SMC4: variants seen among roughly 807,000 people sequenced by gnomAD.
SMC4 encodes structural maintenance of chromosomes 4, also known as structural maintenance of chromosomes protein 4.
SMC4 carries 87 observed loss-of-function variants against 145.6 expected under a neutral mutation model. The ratio of observed to expected loss-of-function variants is 0.60; its 90% CI spans 0.50 to 0.71. The LOEUF (loss-of-function observed/expected upper bound fraction) is 0.71, where lower values mean the gene tolerates loss of function less well. SMC4 is among the 30% of genes least tolerant of loss of function. The pLI, the probability that SMC4 is intolerant of heterozygous loss-of-function variation, is 0.00. For synonymous variants in SMC4, 558 were observed against 500.7 expected, an observed-to-expected ratio of 1.11 and a Z score of -1.53; for missense variants, 1,447 against 1,537.1, an observed-to-expected ratio of 0.94 and a Z score of 0.98.
chr3:160,430,646 T>C lies in SMC4; in HGVS notation c.2843T>C (p.Ile948Thr), dbSNP rs142168074. 12 of 1,613,310 alleles carry C rather than the reference T, an allele frequency of 7.4e-6. No homozygotes were observed. Among genetic ancestry groups the C allele is most frequent in the Non-Finnish European group, 8.5e-7 (1 of 1,179,734 alleles). The change falls in exon 19 of 24, where the codon ATA becomes ACA. Residue 948 changes from isoleucine to threonine, a missense_variant. Coordinates refer to ENST00000357388, the MANE Select transcript of SMC4 (RefSeq NM_001002800.3). ...TCTGTCTTGCGTACAGAGAAAGAAA[T>C]AAAAGATACTGAGAAAGAGGTGGAT... ...QDSVLRTEKE[I>T]KDTEKEVDDL... is the part of the protein sequence containing the mutation.
intron 11 of SMC4, 25 bp downstream of exon 11, chr3:160,417,981 T>A (rs1187015917): frequency 6.4e-7 from 1 of 1,561,716 alleles, no homozygotes; most frequent in South Asian, 1.1e-5. Context: ...CTCTGTTGCA[T>A]CAGAACATCA....
At chr3:160,405,373 G>A (rs1056111706) in intron 5 of SMC4, among the ~76,000 whole-genome samples, 8 of 150,932 alleles carry the variant, frequency 5.3e-5, no homozygotes, top group South Asian at 2.1e-4. Flanking sequence ...TGTTTGATTC[G>A]AGGGTATCTT....
At chr3:160,421,142 G>T (rs1226937666) in intron 13 of SMC4, among the ~76,000 whole-genome samples, 1 of 151,778 alleles carries the variant, frequency 6.6e-6, no homozygotes, top group Non-Finnish European at 1.5e-5. Flanking sequence ...TGTTAGCCAG[G>T]ATGGTCTGGA....
In SMC4 at chr3:160,419,401, T is replaced by G; in HGVS notation, c.1715T>G (p.Phe572Cys). The G allele has an allele frequency of 6.2e-7, 1 of 1,604,752 alleles. No individual in the cohort carries two copies. Among genetic ancestry groups the G allele is most frequent in the Non-Finnish European group, 8.5e-7 (1 of 1,177,834 alleles). ...LQKLTQEETN[F>C]KSLVHDLFQK... Reference sequence around the variant, plus strand: ...AAACTTACACAAGAAGAAACAAACTTTAAAAGTTTGGTTCATGATCTCTTT... The same window carrying G: ...AAACTTACACAAGAAGAAACAAACTGTAAAAGTTTGGTTCATGATCTCTTT... The change falls in exon 12 of 24, where the codon TTT becomes TGT. Residue 572 changes from phenylalanine (F) to cysteine (C), a missense_variant. Phe to Cys is a radical substitution (Grantham distance 205, BLOSUM62 -2). Coordinates refer to ENST00000357388, the MANE Select transcript of SMC4 (RefSeq NM_001002800.3).
chr3:160,419,808 T>A (rs1355801379), intron 12 of SMC4, among the ~76,000 whole-genome samples: 1 of 152,112 alleles, frequency 6.6e-6, no homozygotes, highest in Admixed American at 6.5e-5. Flanking sequence ...TCCTTTTTTT[T>A]AAAAGAGAGA....
At chr3:160,417,322 T>C (rs1716690834) in intron 10 of SMC4, among the ~76,000 whole-genome samples, 1 of 152,186 alleles carries the variant, frequency 6.6e-6, no homozygotes, top group Non-Finnish European at 1.5e-5. Flanking sequence ...CAGGTTAGAA[T>C]ACCTGTGTGA....
At position 160,423,561 on chromosome 3, in the gene SMC4, A is replaced by G; in HGVS notation, c.2156A>G (p.Asp719Gly). The G allele has an allele frequency of 6.2e-7, 1 of 1,614,002 alleles. No individual in the cohort carries two copies. Among genetic ancestry groups the G allele is most frequent in the South Asian group, 1.1e-5 (1 of 91,074 alleles). ...GCTTTACGAGATACCTTAGTAGCTG[A>G]CAACTTGGATCAAGCCACAAGAGTA... ...YFALRDTLVA[D>G]NLDQATRVAY... Residue 719 changes from aspartate (D) to glycine (G), a missense_variant, in exon 14 of 24, where the codon GAC (aspartate) becomes GGC (glycine). By Grantham distance (94) the Asp-to-Gly change is moderately conservative. Transcript: ENST00000357388.
At chr3:160,415,513 A>C (rs1311132248) in intron 9 of SMC4, among the ~76,000 whole-genome samples, 1 of 152,270 alleles carries the variant, frequency 6.6e-6, no homozygotes, top group Non-Finnish European at 1.5e-5. Context: ...ATTATAGATT[A>C]GGCTCTACTT....
chr3:160,400,832 C>T lies in SMC4; in HGVS notation c.6C>T (p.Pro2=). Residue 2 remains proline (P), a synonymous_variant, in exon 2 of 24, where the codon CCC becomes CCT. Coordinates refer to ENST00000357388, the MANE Select transcript of SMC4 (RefSeq NM_001002800.3). M[P]RKGTQPSTAR... ...GTCCCCCGGCCCCAGCGACCATGCC[C>T]CGTAAAGGCACCCAGCCCTCCACTG... 3 of 1,537,496 alleles carry T rather than the reference C, an allele frequency of 2.0e-6. No homozygotes were observed. The highest frequency in any genetic ancestry group is 2.6e-6 in the Non-Finnish European group (3 of 1,152,060).
rs371999419 is a variant in SMC4, at chr3:160,417,970, T to C, written c.1671+14T>C. On this transcript the variant is annotated intron_variant, in intron 11 of 23. Transcript: ENST00000357388. ...GAATTAAAGGAGGTAAATCTTTGCT[T>C]CTCTGTTGCATCAGAACATCATTCG... 19 of 1,589,188 alleles carry C rather than the reference T, an allele frequency of 1.2e-5. No individual in the cohort carries two copies. The highest frequency in any genetic ancestry group is 1.7e-4 in the Middle Eastern group (1 of 6,028).
intron 5 of SMC4, among the ~76,000 whole-genome samples, chr3:160,408,087 A>T (rs1450374668): frequency 6.6e-6 from 1 of 152,230 alleles, no homozygotes; most frequent in African/African-American, 2.4e-5. Flanking sequence ...CAGTAATTTT[A>T]GGCCATTTAA....
At position 160,431,675 on chromosome 3, in the gene SMC4, T is replaced by TAATCCTATTGAAGAG; in HGVS notation, c.3149_3163dup (p.Asn1050_Glu1054dup). ...AAATATCACTGCATCCTATAGAAGA[T>TAATCCTATTGAAGAG]AATCCTATTGAAGAGATTTCGGTTC... On this transcript the variant is annotated inframe_insertion, in exon 21 of 24. Transcript: ENST00000357388. 1 of 1,607,480 alleles carries TAATCCTATTGAAGAG rather than the reference T, an allele frequency of 6.2e-7. No individual in the cohort carries two copies. Among genetic ancestry groups the TAATCCTATTGAAGAG allele is most frequent in the Non-Finnish European group, 8.5e-7 (1 of 1,178,540 alleles).
At chr3:160,424,306 A>AT (rs1717528765) in intron 15 of SMC4, among the ~76,000 whole-genome samples, 1 of 151,956 alleles carries the variant, frequency 6.6e-6, no homozygotes, top group African/African-American at 2.4e-5. Context: ...TTGTGCTTTG[A>AT]TTTTTTTCCC....
At chr3:160,410,220 T>TCCC (rs1373610674) in intron 5 of SMC4, among the ~76,000 whole-genome samples, 3 of 152,226 alleles carry the variant, frequency 2.0e-5, no homozygotes, top group African/African-American at 7.2e-5. Flanking sequence ...GAAGTGGGGA[T>TCCC]GCTACTGGTG....
In SMC4 at chr3:160,419,467, G is replaced by A. The variant is rs759091685; in HGVS notation, c.1781G>A (p.Arg594Gln). The change falls in exon 12 of 24, where the codon CGA (arginine) becomes CAA (glutamine). Residue 594 changes from arginine (R) to glutamine (Q), a missense_variant. Arg to Gln is a conservative substitution (Grantham distance 43). Transcript: ENST00000357388. ...GCAAAGAGCTCATTAGCAATGAATC[G>A]AAGTAGGGGGAAAGTCCTTGATGCA... ...EEAKSSLAMN[R>Q]SRGKVLDAII... The A allele has an allele frequency of 4.2e-5, 68 of 1,611,346 alleles. No individual in the cohort carries two copies. The highest frequency in any genetic ancestry group is 1.7e-4 in the African/African-American group (13 of 74,700).
chr3:160,420,660 GA>G lies in SMC4; in HGVS notation c.1858-78del, dbSNP rs1024816954. 2.1e-6 allele frequency: 3 copies of G among 1,462,942 alleles called. No individual in the cohort carries two copies. The African/African-American group carries it at 4.3e-5, about 21-fold the overall frequency. The allele number at this position is 1,462,942 out of a possible 1,614,324, so 90.6% of individuals were successfully genotyped here. A position where few individuals can be genotyped will look rare whatever the true frequency, so the allele number is the denominator to read the frequency against. ...TCTACATAAAGTTTTTCAATTAAAA[GA>G]AGTTTTTAAAACTTGATGAATGAAA... On this transcript the variant is annotated intron_variant, in intron 12 of 23. Transcript: ENST00000357388.
Position 160,423,531 on chromosome 3 carries a change from A to G in SMC4, c.2126A>G (p.Tyr709Cys). The G allele has an allele frequency of 6.2e-7, 1 of 1,613,788 alleles. No homozygotes were observed. Among genetic ancestry groups the G allele is most frequent in the South Asian group, 1.1e-5 (1 of 91,076 alleles). ...GATGAGAAAATTCGCCAAGCTTTTT[A>G]TTTTGCTTTACGAGATACCTTAGTA... ...VKDEKIRQAF[Y>C]FALRDTLVAD... Residue 709 changes from tyrosine (Y) to cysteine (C), a missense_variant, in exon 14 of 24, where the codon TAT (tyrosine) becomes TGT (cysteine). Tyr to Cys is a radical substitution (Grantham distance 194). Coordinates refer to ENST00000357388, the MANE Select transcript of SMC4 (RefSeq NM_001002800.3).
intron 11 of SMC4, 122 bp downstream of exon 11, chr3:160,418,078 T>G: frequency 1.3e-6 from 1 of 760,932 alleles, no homozygotes; most frequent in South Asian, 1.6e-5. Flanking sequence ...TTGTATAATC[T>G]CAAAAGAATG....
At position 160,413,591 on chromosome 3, in the gene SMC4, A is replaced by G. The variant is rs1032829600; in HGVS notation, c.1099A>G (p.Lys367Glu). 2.8e-6 allele frequency: 4 copies of G among 1,416,384 alleles called. No individual in the cohort carries two copies. In the African/African-American group the frequency reaches 5.8e-5, roughly 21 times the overall value. The allele number at this position is 1,416,384 out of a possible 1,614,324, so 87.7% of individuals were successfully genotyped here. A position where few individuals can be genotyped will look rare whatever the true frequency, so the allele number is the denominator to read the frequency against. The change falls in exon 8 of 24, where the codon AAA (lysine) becomes GAA (glutamate). Residue 367 changes from lysine to glutamate, a missense_variant. Physicochemically the swap from Lys to Glu is moderately conservative, Grantham distance 56. Transcript: ENST00000357388. ...ILSNEMKAKN[K>E]DVKDTEKKLN... is the part of the protein sequence containing the mutation. ...ATCAAATGAAATGAAAGCTAAGAAT[A>G]AAGATGTAAAAGATACAGAAAAGTA...
Sources: gnomAD v4.1 joint callset for allele counts (sites outside exome capture counted in the v4.1 genomes callset) on GRCh38, gnomAD v4.1.1 for gene constraint, MANE v1.5 for transcripts, NCBI Gene and HGNC (gene_info 2026-07-23, HGNC 2026-07-21) for gene names.